TLK1: variants seen among roughly 807,000 people sequenced by gnomAD.
TLK1 encodes the protein serine/threonine-protein kinase tousled-like 1.
A neutral mutation model predicts 105.3 loss-of-function variants in TLK1; 24 were observed. The observed-to-expected ratio is 0.23, with a 90% CI of 0.17 to 0.32. TLK1 has a LOEUF of 0.32. TLK1 is among the 10% of genes least tolerant of loss of function. The pLI is 1.00. For synonymous variants in TLK1, 321 were observed against 310.4 expected, an observed-to-expected ratio of 1.03 and a Z score of -0.36; for missense variants, 558 against 910.5, an observed-to-expected ratio of 0.61 and a Z score of 4.98.
At chr2:171,028,747 A>C (rs1181066355) in intron 11 of TLK1, among the ~76,000 whole-genome samples, 2 of 152,250 alleles carry the variant, frequency 1.3e-5, no homozygotes, top group Non-Finnish European at 2.9e-5. Flanking sequence ...TTATATTCTA[A>C]GGATACAGTG....
At chr2:171,175,215 A>G (rs1270437032) in intron 1 of TLK1, among the ~76,000 whole-genome samples, 5 of 152,184 alleles carry the variant, frequency 3.3e-5, no homozygotes, top group Non-Finnish European at 7.3e-5. Context: ...CCTGAACTAC[A>G]GAGTGAGATT....
At position 171,178,455 on chromosome 2, in the gene TLK1, C is replaced by T. The variant is rs377556237; in HGVS notation, c.-6+52690G>A. 2.6e-5 allele frequency among the ~76,000 whole-genome samples: 4 copies of T among 152,314 alleles called. No homozygotes were observed. In the East Asian group the frequency reaches 5.8e-4, roughly 22 times the overall value. ...TTAAGGGAAGCTCTTTGGCTTCTCA[C>T]CCTTTCTTGTCCTCCATCTTCCCTC... On this transcript the variant is annotated intron_variant, in intron 1 of 20. Transcript: ENST00000521943.
At chr2:171,024,162 AAT>A (rs1274196521) in intron 12 of TLK1, among the ~76,000 whole-genome samples, 3 of 152,168 alleles carry the variant, frequency 2.0e-5, no homozygotes, top group African/African-American at 7.2e-5. Context: ...TTCCTTTTGA[AAT>A]AGTTTCAGGA....
chr2:171,228,946 G>GA (rs1558999070), intron 1 of TLK1, among the ~76,000 whole-genome samples: 1 of 152,166 alleles, frequency 6.6e-6, no homozygotes, highest in Non-Finnish European at 1.5e-5. Flanking sequence ...CAGCTGCATG[G>GA]AACAGAATTG....
chr2:171,163,614 C>T (rs1166483789), upstream of TLK1, among the ~76,000 whole-genome samples: 1 of 152,170 alleles, frequency 6.6e-6, no homozygotes, highest in Admixed American at 6.5e-5. Flanking sequence ...TGAGACTGTA[C>T]AGAGCTCAGT....
At chr2:171,075,213 T>C (rs547311267) in intron 3 of TLK1, among the ~76,000 whole-genome samples, 9 of 152,090 alleles carry the variant, frequency 5.9e-5, no homozygotes, top group African/African-American at 1.9e-4. Context: ...AAAGAAGGTA[T>C]GAGAAAGTAG....
At chr2:171,200,776 ATATAT>A (rs1482333385) in intron 1 of TLK1, among the ~76,000 whole-genome samples, 4 of 152,152 alleles carry the variant, frequency 2.6e-5, no homozygotes, top group African/African-American at 9.7e-5. Flanking sequence ...AGCAACAGAA[ATATAT>A]TAGAATCAAT....
chr2:171,093,719 T>C (rs1213845969), intron 2 of TLK1, among the ~76,000 whole-genome samples: 1 of 151,718 alleles, frequency 6.6e-6, no homozygotes, highest in Non-Finnish European at 1.5e-5. Flanking sequence ...GCTAGGAGAA[T>C]CAATAAGTTA....
At chr2:171,209,267 CA>C (rs1693564620) in intron 1 of TLK1, among the ~76,000 whole-genome samples, 1 of 152,124 alleles carries the variant, frequency 6.6e-6, no homozygotes, top group Non-Finnish European at 1.5e-5. Flanking sequence ...TTATATGGAA[CA>C]GGGGTGGGAT....
chr2:171,224,255 A>T (rs866643323), intron 1 of TLK1, among the ~76,000 whole-genome samples: 1 of 152,146 alleles, frequency 6.6e-6, no homozygotes, highest in Non-Finnish European at 1.5e-5. Context: ...TCAGTTGGCT[A>T]TACATGTGTA....
At chr2:171,003,071 A>G (rs4366869) in intron 18 of TLK1, among the ~76,000 whole-genome samples, 143,572 of 151,264 alleles carry the variant, frequency 0.95, 68,379 homozygotes, top group East Asian at 1. Flanking sequence ...TCAGGAGATC[A>G]AGACCATCCT....
At chr2:171,118,170 A>T (rs1323655177) in intron 1 of TLK1, among the ~76,000 whole-genome samples, 4 of 152,208 alleles carry the variant, frequency 2.6e-5, no homozygotes, top group African/African-American at 7.2e-5. Context: ...ATGCAGTAGT[A>T]AGAGTCCTGT....
chr2:171,120,748 A>G (rs1690621424), intron 1 of TLK1, among the ~76,000 whole-genome samples: 1 of 152,228 alleles, frequency 6.6e-6, no homozygotes, highest in Non-Finnish European at 1.5e-5. Flanking sequence ...TCCTCAAAAA[A>G]TGAAACACTG....
chr2:171,080,826 G>A (rs1264694623), intron 3 of TLK1, among the ~76,000 whole-genome samples: 1 of 151,476 alleles, frequency 6.6e-6, no homozygotes, highest in East Asian at 1.9e-4. Flanking sequence ...TCCCACCTCA[G>A]CCTCTCGAGT....
intron 1 of TLK1, among the ~76,000 whole-genome samples, chr2:171,180,606 C>A (rs1289260827): frequency 6.6e-6 from 1 of 152,100 alleles, no homozygotes; most frequent in African/African-American, 2.4e-5. Flanking sequence ...ATGACTCTTT[C>A]CAGAGTTCTG....
At position 170,991,364 on chromosome 2, in the gene TLK1, T is replaced by G. The variant is rs138497497; in HGVS notation, c.*2416A>C. The G allele has an allele frequency of 6.6e-6, 1 of 152,284 alleles. No homozygotes were observed. The highest frequency in any genetic ancestry group is 1.5e-5 in the Non-Finnish European group (1 of 68,020). The allele number at this position is 152,284 out of a possible 1,614,324, so 9.4% of individuals were successfully genotyped here. On this transcript the variant is annotated 3_prime_UTR_variant, in exon 21 of 21. Coordinates refer to ENST00000431350, the MANE Select transcript of TLK1 (RefSeq NM_012290.5). ...TAGCAATAGATACCAACTTTCCATG[T>G]GAGGGTAAAAGTAAGTTATTCAATG...
intron 1 of TLK1, among the ~76,000 whole-genome samples, chr2:171,221,353 A>G (rs1693807747): frequency 6.6e-6 from 1 of 152,196 alleles, no homozygotes; most frequent in South Asian, 2.1e-4. Context: ...TGCTCGGCGT[A>G]TGACTTCAAT....
intron 1 of TLK1, among the ~76,000 whole-genome samples, chr2:171,159,373 G>A (rs991865407): frequency 3.3e-5 from 5 of 152,114 alleles, no homozygotes; most frequent in African/African-American, 1.2e-4. Flanking sequence ...ATTTTATGTT[G>A]TATACTTAGA....
intron 1 of TLK1, among the ~76,000 whole-genome samples, chr2:171,132,113 G>A (rs966281457): frequency 2.0e-5 from 3 of 152,172 alleles, no homozygotes; most frequent in African/African-American, 7.2e-5. Context: ...ATAAAGAAAA[G>A]AGGTTTAATT....
Sources: gnomAD v4.1 joint callset for allele counts (sites outside exome capture counted in the v4.1 genomes callset) on GRCh38, gnomAD v4.1.1 for gene constraint, MANE v1.5 for transcripts, NCBI Gene and HGNC (gene_info 2026-07-23, HGNC 2026-07-21) for gene names.